Variants in ACACA observed in about 807,000 individuals in gnomAD.
ACACA encodes acetyl-CoA carboxylase 1.
A neutral mutation model predicts 296.1 loss-of-function variants in ACACA; 103 were observed. That is an observed-to-expected ratio of 0.35 (90% CI 0.30 to 0.41). The LOEUF (loss-of-function observed/expected upper bound fraction) is 0.41. Among genes scored for constraint, ACACA ranks in the 10% least tolerant of loss-of-function variants. The probability of loss-of-function intolerance (pLI) is 1.00; values close to 1 mark genes in which losing one functional copy is unlikely to be tolerated. For missense variants in ACACA, 1,554 were observed against 2,989.7 expected (o/e 0.52, Z 11.20); for synonymous variants, 953 against 1,038.6 (o/e 0.92, Z 1.58).
At chr17:37,305,923 T>G (rs2083861072) in intron 3 of ACACA, among the ~76,000 whole-genome samples, 1 of 149,218 alleles carries the variant, frequency 6.7e-6, no homozygotes, top group African/African-American at 2.4e-5. Context: ...TTTTTTTTTT[T>G]TTTGAGACGG....
intron 54 of ACACA, among the ~76,000 whole-genome samples, chr17:37,091,909 C>T (rs2072664470): frequency 6.6e-6 from 1 of 152,116 alleles, no homozygotes. Context: ...TCCCTTAGAA[C>T]AGTTGTAAGA....
intron 15 of ACACA, among the ~76,000 whole-genome samples, 153 bp downstream of exon 15, chr17:37,252,733 C>T (rs1279769072): frequency 1.3e-5 from 2 of 152,212 alleles, no homozygotes; most frequent in Non-Finnish European, 2.9e-5. Context: ...CAGGAACCAT[C>T]AGAGTGCTAA....
intron 41 of ACACA, among the ~76,000 whole-genome samples, chr17:37,176,113 C>T (rs1340023172): frequency 2.0e-5 from 3 of 152,198 alleles, no homozygotes; most frequent in African/African-American, 7.2e-5. Flanking sequence ...GAAAGACTGG[C>T]CACCCATACA....
At chr17:37,323,169 T>A (rs912210414) in intron 3 of ACACA, among the ~76,000 whole-genome samples, 1 of 152,274 alleles carries the variant, frequency 6.6e-6, no homozygotes, top group Non-Finnish European at 1.5e-5. Flanking sequence ...GTGCTTCCCA[T>A]GGCTGTTGCA....
chr17:37,105,456 G>A (rs555564343), intron 52 of ACACA, among the ~76,000 whole-genome samples: 8 of 148,312 alleles, frequency 5.4e-5, no homozygotes, highest in East Asian at 4.1e-4. Context: ...CAGCCCAGGC[G>A]ACAGTGCGAG....
intron 52 of ACACA, among the ~76,000 whole-genome samples, chr17:37,109,157 G>A (rs1297780161): frequency 6.6e-6 from 1 of 152,204 alleles, no homozygotes; most frequent in Non-Finnish European, 1.5e-5. Context: ...TTCATAATAT[G>A]TCCTGTTATA....
intron 1 of ACACA, among the ~76,000 whole-genome samples, chr17:37,390,334 A>ATATATAT (rs2050822111): frequency 1.6e-4 from 15 of 93,384 alleles, no homozygotes; most frequent in South Asian, 6.2e-4. Context: ...ATATATATAT[A>ATATATAT]AAAGGCCAGC....
chr17:37,301,793 C>T (rs2146893799), intron 3 of ACACA, among the ~76,000 whole-genome samples: 1 of 152,166 alleles, frequency 6.6e-6, no homozygotes, highest in South Asian at 2.1e-4. Flanking sequence ...TATTCTAGGT[C>T]CTTTGTTTCC....
chr17:37,181,856 C>T (rs1284849041), intron 39 of ACACA, among the ~76,000 whole-genome samples: 2 of 136,044 alleles, frequency 1.5e-5, no homozygotes, highest in Non-Finnish European at 3.1e-5. Flanking sequence ...GCCAAGATTG[C>T]GCCACTGCAC....
chr17:37,275,506 A>G (rs2082247133), intron 8 of ACACA, among the ~76,000 whole-genome samples: 1 of 147,548 alleles, frequency 6.8e-6, no homozygotes, highest in Admixed American at 6.7e-5. Context: ...AAAAAAAAAA[A>G]AAAAAAAGAA....
At chr17:37,169,710 A>G (rs2076813272) in intron 41 of ACACA, among the ~76,000 whole-genome samples, 2 of 152,206 alleles carry the variant, frequency 1.3e-5, no homozygotes, top group African/African-American at 4.8e-5. Flanking sequence ...ATTTCACCTA[A>G]GCCCAATCTG....
chr17:37,202,962 C>CT (rs57395863), intron 33 of ACACA, among the ~76,000 whole-genome samples: 44,793 of 140,028 alleles, frequency 0.32, 8,401 homozygotes, highest in African/African-American at 0.53. Flanking sequence ...GAAGAAAATG[C>CT]TTTTTTTTTT....
Position 37,152,141 on chromosome 17 carries a change from C to T in ACACA, c.5448-720G>A, listed in dbSNP as rs1052298059. 2.0e-4 allele frequency among the ~76,000 whole-genome samples: 30 copies of T among 152,128 alleles called. 1 individual carries two copies. Among genetic ancestry groups the T allele is most frequent in the Non-Finnish European group, 1.2e-4 (8 of 68,026 alleles). ...TGCTCTGATACACACAGGAGTGTGA[C>T]TCTAGAAATAATAATAACTTCTACA... is the stretch of plus-strand genomic sequence containing the variant. On this transcript the variant is annotated intron_variant, in intron 43 of 55. Coordinates refer to ENST00000616317, the MANE Select transcript of ACACA (RefSeq NM_198834.3).
rs61743749 is a variant in ACACA, at chr17:37,330,197, T to C, written c.314A>G (p.Gln105Arg). The change falls in exon 3 of 56, where the codon CAG becomes CGG. Residue 105 changes from glutamine (Q) to arginine (R), a missense_variant. By Grantham distance (43) the Gln-to-Arg change is conservative. This residue lies in a region of ACACA where 140 missense variants were observed against 147.7 expected (regional missense o/e 0.95). Coordinates refer to ENST00000616317, the MANE Select transcript of ACACA (RefSeq NM_198834.3). The stretch of plus-strand genomic sequence containing the variant: ...CCTTATGTGCAAGGCCAAGCCATCC[T>C]GTAGGCTAGAGATCCCCAAATCAGA... ...TLSDLGISSL[Q>R]DGLALHIRSS... 2 of 1,614,224 alleles carry C rather than the reference T, an allele frequency of 1.2e-6. No homozygotes were observed. The highest frequency in any genetic ancestry group is 1.7e-6 in the Non-Finnish European group (2 of 1,180,044).
Position 37,158,129 on chromosome 17 carries a change from G to A in ACACA, c.5350-2349C>T, listed in dbSNP as rs150735036. Among the ~76,000 whole-genome samples the A allele has an allele frequency of 4.7e-3, 720 of 152,214 alleles. 8 individuals are homozygous for A. Among genetic ancestry groups the A allele is most frequent in the African/African-American group, 0.016 (679 of 41,488 alleles). On this transcript the variant is annotated intron_variant, in intron 42 of 55. Coordinates refer to ENST00000616317, the MANE Select transcript of ACACA (RefSeq NM_198834.3). ...AGAATAACTCCAAGGTCTTTTACTT[G>A]AACAAATGAAACAATAGAGGTACCA...
At chr17:37,136,321 G>A (rs2075332286) in intron 45 of ACACA, among the ~76,000 whole-genome samples, 1 of 152,044 alleles carries the variant, frequency 6.6e-6, no homozygotes, top group African/African-American at 2.4e-5. Context: ...ATAGCCTTTT[G>A]AATCTAGCTT....
chr17:37,311,573 A>G (rs1019439010), intron 3 of ACACA, among the ~76,000 whole-genome samples: 2 of 152,192 alleles, frequency 1.3e-5, no homozygotes, highest in Non-Finnish European at 2.9e-5. Flanking sequence ...CTATAAATTA[A>G]AAGTGTCTAG....
chr17:37,266,549 C>A (rs984758024), intron 10 of ACACA, among the ~76,000 whole-genome samples: 1 of 151,324 alleles, frequency 6.6e-6, no homozygotes, highest in Admixed American at 6.6e-5. Context: ...ATTTCTGAGG[C>A]CTTAAAGTCA....
intron 41 of ACACA, among the ~76,000 whole-genome samples, chr17:37,169,898 T>C (rs1019012397): frequency 1.3e-5 from 2 of 152,108 alleles, no homozygotes; most frequent in Non-Finnish European, 2.9e-5. Context: ...AAAGGTACCC[T>C]GTAGCCCGCA....
Sources: allele counts gnomAD v4.1 joint callset (sites outside exome capture counted in the v4.1 genomes callset), GRCh38; gene constraint gnomAD v4.1.1; regional missense constraint gnomAD v4.1.1; transcripts MANE v1.5; gene names NCBI Gene and HGNC (gene_info 2026-07-23, HGNC 2026-07-21).